The following NIN variants were observed in gnomAD, a reference collection of about 807,000 sequenced individuals.
NIN encodes the protein ninein.
NIN carries 137 observed loss-of-function variants against 257.6 expected under a neutral mutation model. The ratio of observed to expected loss-of-function variants is 0.53; its 90% CI spans 0.46 to 0.61. The LOEUF (loss-of-function observed/expected upper bound fraction) is 0.61, where lower values mean the gene tolerates loss of function less well. NIN is among the 20% of genes least tolerant of loss of function. The pLI, the probability that NIN is intolerant of heterozygous loss-of-function variation, is 0.00. For missense variants in NIN, 2,439 were observed against 2,501.2 expected (o/e 0.98, Z 0.53); for synonymous variants, 918 against 919.8 (o/e 1.00, Z 0.04).
chr14:50,821,813 C>G, intron 3 of NIN, 61 bp downstream of exon 3: 1 of 1,415,242 alleles, frequency 7.1e-7, no homozygotes, highest in Non-Finnish European at 9.8e-7. Flanking sequence ...CGCCCCACCC[C>G]CAGCACCCCG....
intron 3 of NIN, among the ~76,000 whole-genome samples, chr14:50,814,666 C>T (rs753263375): frequency 1.3e-5 from 2 of 152,186 alleles, no homozygotes; most frequent in Non-Finnish European, 2.9e-5. Context: ...GTAACCAAAA[C>T]AGCATGGTTC....
rs1566829746 is a variant in NIN at position 50,770,871 on chromosome 14, G to T, written c.1240C>A (p.Arg414=). 1 of 1,613,770 alleles carries T rather than the reference G, an allele frequency of 6.2e-7. No homozygotes were observed. Among genetic ancestry groups the T allele is most frequent in the Non-Finnish European group, 8.5e-7 (1 of 1,179,912 alleles). The change falls in exon 11 of 31, where the codon CGG becomes AGG. Residue 414 remains arginine (R), a synonymous_variant. Transcript: ENST00000530997. ...VDDHHAAIER[R]NEYNLRKLDE... ...CCTCACCTGAGGTTGTACTCATTCC[G>T]CCGCTCTATGGCCGCATGGTGATCA... is the stretch of plus-strand genomic sequence containing the variant.
intron 5 of NIN, among the ~76,000 whole-genome samples, chr14:50,780,515 T>C (rs1372671950): frequency 1.3e-5 from 2 of 152,222 alleles, no homozygotes; most frequent in African/African-American, 2.4e-5. Flanking sequence ...TTCAAGTTAA[T>C]ACGAGTTGAA....
Position 50,754,783 on chromosome 14 carries a change from G to T in NIN, c.4623C>A (p.Asn1541Lys). The T allele has an allele frequency of 2.5e-6, 4 of 1,583,126 alleles. No homozygotes were observed. Among genetic ancestry groups the T allele is most frequent in the Non-Finnish European group, 3.4e-6 (4 of 1,159,824 alleles). The change falls in exon 19 of 31, where the codon AAC (asparagine) becomes AAA (lysine). Residue 1541 changes from asparagine to lysine, a missense_variant. Physicochemically the swap from Asn to Lys is moderately conservative, Grantham distance 94. Around this residue, in one of 3 missense-constraint regions of NIN, gnomAD observed 2,043 missense variants for 2,050.2 expected, o/e 1.00. Coordinates refer to ENST00000530997, the MANE Select transcript of NIN (RefSeq NM_020921.4). The stretch of plus-strand genomic sequence containing the variant: ...ATCCATTTAATGTCCCTAATTTCAG[G>T]TTAGAAATGCTATCTTCTTCATTTA... Reference protein sequence around the residue: ...TTLNEEDSISNLKLGTLNGSQ... With the variant: ...TTLNEEDSISKLKLGTLNGSQ...
At chr14:50,805,741 A>C (rs545559941) in intron 4 of NIN, among the ~76,000 whole-genome samples, 9 of 152,318 alleles carry the variant, frequency 5.9e-5, no homozygotes, top group African/African-American at 1.9e-4. Context: ...GGGTTTATTG[A>C]GGTATAATTT....
intron 21 of NIN, among the ~76,000 whole-genome samples, chr14:50,751,403 A>G (rs776245844): frequency 6.6e-6 from 1 of 152,232 alleles, no homozygotes; most frequent in Admixed American, 6.5e-5. Context: ...AGCATGAAAG[A>G]GTCTGTTTCC....
chr14:50,751,030 ACTTTT>A (rs938580983), intron 21 of NIN, among the ~76,000 whole-genome samples: 34 of 152,206 alleles, frequency 2.2e-4, no homozygotes, highest in African/African-American at 6.3e-4. Context: ...ACTTCTTTGC[ACTTTT>A]CTTTTTTCAC....
chr14:50,827,756 C>CAAAAAAAAAAAA (rs370926505), intron 2 of NIN, among the ~76,000 whole-genome samples: 2 of 107,082 alleles, frequency 1.9e-5, no homozygotes, highest in South Asian at 3.1e-4. Context: ...GACTCCGTAT[C>CAAAAAAAAAAAA]AAAAAAAAAA....
Position 50,758,095 on chromosome 14 carries a change from C to G in NIN, c.2935G>C (p.Glu979Gln). Reference sequence around the variant, plus strand: ...AGCTTGGACATCATTTCCTGCCTTTCCTGGTCATGTTCCATTTCTAGTCTT... The same window carrying G: ...AGCTTGGACATCATTTCCTGCCTTTGCTGGTCATGTTCCATTTCTAGTCTT... ...LERLEMEHDQ[E>Q]RQEMMSKLLA... The change falls in exon 18 of 31, where the codon GAA becomes CAA. Residue 979 changes from glutamate to glutamine, a missense_variant. Coordinates refer to ENST00000530997, the MANE Select transcript of NIN (RefSeq NM_020921.4). The G allele has an allele frequency of 6.2e-7, 1 of 1,614,178 alleles. No homozygotes were observed. Among genetic ancestry groups the G allele is most frequent in the Non-Finnish European group, 8.5e-7 (1 of 1,180,026 alleles).
chr14:50,734,506 C>T (rs2040878875), intron 28 of NIN, among the ~76,000 whole-genome samples: 1 of 152,134 alleles, frequency 6.6e-6, no homozygotes. Flanking sequence ...TTATAGTTCA[C>T]TAAATGTTAG....
chr14:50,739,006 T>C (rs1384331522), intron 26 of NIN, among the ~76,000 whole-genome samples: 1 of 152,210 alleles, frequency 6.6e-6, no homozygotes, highest in Non-Finnish European at 1.5e-5. Flanking sequence ...ACTACTAGTC[T>C]TGGTGGCCAG....
At chr14:50,825,519 C>A (rs2045419687) in intron 2 of NIN, among the ~76,000 whole-genome samples, 1 of 152,244 alleles carries the variant, frequency 6.6e-6, no homozygotes, top group African/African-American at 2.4e-5. Flanking sequence ...CCTCCCAAAT[C>A]TTAGAAGTGG....
At chr14:50,735,843 T>C (rs2040948426) in intron 27 of NIN, among the ~76,000 whole-genome samples, 1 of 152,204 alleles carries the variant, frequency 6.6e-6, no homozygotes. Flanking sequence ...GGCAGCTGGC[T>C]TTTAAACTTG....
intron 29 of NIN, among the ~76,000 whole-genome samples, chr14:50,729,222 T>C (rs1456282815): frequency 1.3e-5 from 2 of 152,012 alleles, no homozygotes; most frequent in Non-Finnish European, 2.9e-5. Flanking sequence ...AGGTTAAATA[T>C]CTCTCTGAAA....
intron 21 of NIN, among the ~76,000 whole-genome samples, chr14:50,752,191 A>G (rs2041817600): frequency 6.6e-6 from 1 of 151,412 alleles, no homozygotes; most frequent in African/African-American, 2.4e-5. Flanking sequence ...TCCTAATCCA[A>G]TTAAGTTTAT....
chr14:50,767,674 A>G (rs531045675), intron 12 of NIN, among the ~76,000 whole-genome samples: 39 of 152,050 alleles, frequency 2.6e-4, no homozygotes, highest in East Asian at 2.1e-3. Flanking sequence ...AAAATTAGCC[A>G]GGTGTGGTGG....
At position 50,727,148 on chromosome 14, in the gene NIN, CA is replaced by C. The variant is rs1179703763; in HGVS notation, c.6079-1083del. 9.0e-6 allele frequency: 5 copies of C among 554,908 alleles called. No homozygotes were observed. In the African/African-American group the frequency reaches 1.0e-4, roughly 11 times the overall value. 34.4% of individuals were successfully genotyped at this position (554,908 alleles called of 1,614,324 possible). ...AAATACAAAATGATGTCTATTTGCCCAACAAAGCAAAACAAAAAAAAAGATA... is the reference window on the plus strand; with the variant it reads ...AAATACAAAATGATGTCTATTTGCCCACAAAGCAAAACAAAAAAAAAGATA... On this transcript the variant is annotated intron_variant, in intron 29 of 30. Transcript: ENST00000530997.
Position 50,735,862 on chromosome 14 carries a change from C to A in NIN, c.5776-245G>T, listed in dbSNP as rs549639486. ...GCTGGCTTTTAAACTTGGATGCCAC[C>A]CACTGTAAGAAATACGTTTTATCTT... On this transcript the variant is annotated intron_variant, in intron 27 of 30. Transcript: ENST00000530997. Among the ~76,000 whole-genome samples, 22 of 152,128 alleles carry A rather than the reference C, an allele frequency of 1.4e-4. No homozygotes were observed. The South Asian group carries it at 1.9e-3, about 13-fold the overall frequency.
chr14:50,754,393 C>G (rs1045038030), intron 20 of NIN, among the ~76,000 whole-genome samples, 170 bp downstream of exon 20: 1 of 152,070 alleles, frequency 6.6e-6, no homozygotes. Flanking sequence ...AAACAGGAAG[C>G]TAGTTTAGAG....
Sources: gnomAD v4.1 joint callset for allele counts (sites outside exome capture counted in the v4.1 genomes callset) on GRCh38, gnomAD v4.1.1 for gene constraint, gnomAD v4.1.1 regional missense constraint, MANE v1.5 for transcripts, NCBI Gene and HGNC (gene_info 2026-07-23, HGNC 2026-07-21) for gene names.